Variants in ZMYM4 observed in about 807,000 individuals in gnomAD.
ZMYM4 encodes zinc finger MYM-type protein 4.
ZMYM4 carries 31 observed loss-of-function variants against 183.2 expected under a neutral mutation model. The observed-to-expected ratio is 0.17, with a 90% CI of 0.13 to 0.23. The LOEUF (loss-of-function observed/expected upper bound fraction) is 0.23. ZMYM4 is among the 10% of genes least tolerant of loss of function. The probability of loss-of-function intolerance (pLI) is 1.00; values close to 1 mark genes in which losing one functional copy is unlikely to be tolerated. For synonymous variants in ZMYM4, 592 were observed against 631.2 expected, an observed-to-expected ratio of 0.94 and a Z score of 0.93; for missense variants, 1,273 against 1,840.3, an observed-to-expected ratio of 0.69 and a Z score of 5.64.
intron 2 of ZMYM4, among the ~76,000 whole-genome samples, chr1:35,335,914 C>T (rs1642955532): frequency 6.6e-6 from 1 of 152,104 alleles, no homozygotes; most frequent in African/African-American, 2.4e-5. Context: ...GGCGAGAGAG[C>T]GAGACTCCGT....
rs1640328611 is a variant in ZMYM4, at chr1:35,421,629, T to C, written c.*1952T>C. On this transcript the variant is annotated 3_prime_UTR_variant, in exon 30 of 30. Transcript: ENST00000314607. ...AACACCCAATACCCAGATAAATGAC[T>C]GTATCAGGATTTCATTTGCATGTTA... The C allele has an allele frequency of 6.6e-6, 1 of 152,202 alleles. No individual in the cohort carries two copies. The highest frequency in any genetic ancestry group is 6.5e-5 in the Admixed American group (1 of 15,276). 9.4% of individuals were successfully genotyped at this position (152,202 alleles called of 1,614,324 possible).
At chr1:35,415,369 T>C in intron 27 of ZMYM4, 97 bp from the exon 28 acceptor site, 1 of 1,502,572 alleles carries the variant, frequency 6.7e-7, no homozygotes, top group Non-Finnish European at 9.0e-7. Context: ...ATAGTCAGTT[T>C]TTCTCTTTAT....
At chr1:35,293,557 T>A (rs1570274006) in intron 1 of ZMYM4, among the ~76,000 whole-genome samples, 1 of 152,226 alleles carries the variant, frequency 6.6e-6, no homozygotes, top group South Asian at 2.1e-4. Context: ...CCTCAGGTGA[T>A]CCACCTGCCT....
intron 1 of ZMYM4, among the ~76,000 whole-genome samples, chr1:35,303,829 G>C (rs1029007914): frequency 6.6e-6 from 1 of 151,708 alleles, no homozygotes; most frequent in Non-Finnish European, 1.5e-5. Flanking sequence ...GGTTTACTTT[G>C]CTTTCTTTTC....
chr1:35,402,366 A>G (rs1307963135), intron 23 of ZMYM4, among the ~76,000 whole-genome samples: 2 of 152,128 alleles, frequency 1.3e-5, no homozygotes, highest in South Asian at 2.1e-4. Flanking sequence ...CTATAATCCT[A>G]GTACTTTGGG....
intron 1 of ZMYM4, among the ~76,000 whole-genome samples, chr1:35,319,734 G>A (rs1019142225): frequency 2.0e-5 from 3 of 152,180 alleles, no homozygotes; most frequent in Admixed American, 1.3e-4. Flanking sequence ...AATCAGAGTA[G>A]CAACAGGGAA....
intron 5 of ZMYM4, among the ~76,000 whole-genome samples, chr1:35,369,160 T>A (rs963880512): frequency 1.3e-5 from 2 of 152,148 alleles, no homozygotes; most frequent in African/African-American, 2.4e-5. Context: ...CAAGAATAAG[T>A]GATCTTGCAG....
chr1:35,331,083 CAA>C (rs1293205493), intron 2 of ZMYM4, among the ~76,000 whole-genome samples: 3 of 148,024 alleles, frequency 2.0e-5, no homozygotes, highest in Non-Finnish European at 3.0e-5. Flanking sequence ...ATGGAACAAA[CAA>C]AAAATAAAAC....
At chr1:35,387,374 G>C (rs1042793312) in intron 12 of ZMYM4, 80 bp from the exon 13 acceptor site, 3 of 1,568,634 alleles carry the variant, frequency 1.9e-6, no homozygotes, top group Non-Finnish European at 1.7e-6. Context: ...CATACCATTT[G>C]TTTTGAAAGT....
chr1:35,296,843 C>CTTTTTTTTTTTTTTTTTTTT (rs780202714), intron 1 of ZMYM4, among the ~76,000 whole-genome samples: 1 of 95,626 alleles, frequency 1.0e-5, no homozygotes, highest in Non-Finnish European at 1.8e-5. Flanking sequence ...TTCTTTCTTT[C>CTTTTTTTTTTTTTTTTTTTT]TTTTTTTTTT....
chr1:35,390,426 G>T (rs961577693), intron 15 of ZMYM4, among the ~76,000 whole-genome samples: 1 of 151,494 alleles, frequency 6.6e-6, no homozygotes, highest in Admixed American at 6.6e-5. Flanking sequence ...AAAAAGGGGG[G>T]TTGTTCTCTG....
At chr1:35,339,362 G>A (rs972929150) in intron 2 of ZMYM4, among the ~76,000 whole-genome samples, 4 of 152,014 alleles carry the variant, frequency 2.6e-5, no homozygotes, top group Non-Finnish European at 5.9e-5. Flanking sequence ...AGCCTCCTGA[G>A]TAGCTGGGAT....
chr1:35,418,305 A>G (rs574234137), intron 28 of ZMYM4, 138 bp from the exon 29 acceptor site: 1 of 857,694 alleles, frequency 1.2e-6, no homozygotes, highest in Non-Finnish European at 1.8e-6. Flanking sequence ...GGCACTCAGT[A>G]TTTGTTGAAT....
intron 1 of ZMYM4, among the ~76,000 whole-genome samples, chr1:35,285,202 T>G (rs1316983348): frequency 1.3e-5 from 2 of 152,114 alleles, no homozygotes; most frequent in Non-Finnish European, 2.9e-5. Context: ...TTTTTCCTAT[T>G]TCTGAAAAAA....
At position 35,397,358 on chromosome 1, in the gene ZMYM4, T is replaced by C. The variant is rs569721652; in HGVS notation, c.3031-19T>C. The C allele has an allele frequency of 1.3e-6, 2 of 1,538,080 alleles. No individual in the cohort carries two copies. Among genetic ancestry groups the C allele is most frequent in the Admixed American group, 2.0e-5 (1 of 49,676 alleles). Reference sequence around the variant, plus strand: ...ACCTGTTGCCAAAGAAAGCCTTCAGTCTATCCTTGGTCTTTCAGATGCCTG... The same window carrying C: ...ACCTGTTGCCAAAGAAAGCCTTCAGCCTATCCTTGGTCTTTCAGATGCCTG... On this transcript the variant is annotated intron_variant, in intron 19 of 29. Transcript: ENST00000314607.
intron 23 of ZMYM4, 165 bp from the exon 24 acceptor site, chr1:35,404,858 A>T: frequency 1.7e-6 from 1 of 600,686 alleles, no homozygotes; most frequent in Non-Finnish European, 2.7e-6. Flanking sequence ...GGATTGGATT[A>T]AATAATCTCT....
At chr1:35,400,803 G>A (rs879427851) in intron 23 of ZMYM4, among the ~76,000 whole-genome samples, 3 of 152,256 alleles carry the variant, frequency 2.0e-5, no homozygotes, top group Admixed American at 6.5e-5. Context: ...CTACTGTACC[G>A]ATTGATGCAG....
At chr1:35,330,986 C>T (rs561698398) in intron 2 of ZMYM4, among the ~76,000 whole-genome samples, 230 of 152,274 alleles carry the variant, frequency 1.5e-3, no homozygotes, top group Non-Finnish European at 2.6e-3. Context: ...GGAGCATCAG[C>T]ATCAGTTTGT....
chr1:35,315,518 G>A (rs1167890173), intron 1 of ZMYM4, among the ~76,000 whole-genome samples: 1 of 152,046 alleles, frequency 6.6e-6, no homozygotes, highest in Non-Finnish European at 1.5e-5. Flanking sequence ...AACCAAGCCT[G>A]TTTTTAGTTT....
Sources: allele counts gnomAD v4.1 joint callset (sites outside exome capture counted in the v4.1 genomes callset), GRCh38; gene constraint gnomAD v4.1.1; transcripts MANE v1.5; gene names NCBI Gene and HGNC (gene_info 2026-07-23, HGNC 2026-07-21).